ANKRD45: variants seen among roughly 807,000 people sequenced by gnomAD.
The protein encoded by ANKRD45 is ankyrin repeat domain 45, also known as ankyrin repeat domain-containing protein 45.
In ANKRD45, 21 loss-of-function variants were observed where a neutral mutation model predicts 28.1. The ratio of observed to expected loss-of-function variants is 0.75; its 90% CI spans 0.53 to 1.08. The LOEUF (loss-of-function observed/expected upper bound fraction) is 1.08, where lower values mean the gene tolerates loss of function less well. Ranked by LOEUF, ANKRD45 falls within the 50% of genes least tolerant of loss-of-function variation. The probability of loss-of-function intolerance (pLI) is 0.00; values close to 1 mark genes in which losing one functional copy is unlikely to be tolerated. For missense variants in ANKRD45, 261 were observed against 308.7 expected (o/e 0.85, Z 1.16); for synonymous variants, 86 against 103.9 (o/e 0.83, Z 1.05).
chr1:173,655,322 G>A (rs1053930555), intron 2 of ANKRD45, among the ~76,000 whole-genome samples: 1 of 152,186 alleles, frequency 6.6e-6, no homozygotes, highest in African/African-American at 2.4e-5. Flanking sequence ...ATTCCTTTCT[G>A]TTTGTTAGTT....
the ANKRD45 span, among the ~76,000 whole-genome samples, chr1:173,682,608 A>G: frequency 6.6e-6 from 1 of 151,950 alleles, no homozygotes. Context: ...CTGAGAAGAA[A>G]AAAAAGCTTT....
At chr1:173,647,120 G>A in intron 2 of ANKRD45, 107 bp from the exon 3 acceptor site, 2 of 1,076,994 alleles carry the variant, frequency 1.9e-6, no homozygotes, top group South Asian at 1.9e-5. Context: ...AATTACTGTG[G>A]GCCAGGCACT....
chr1:173,653,922 C>CTTTTTTTTTTTT (rs1185149394), intron 2 of ANKRD45, among the ~76,000 whole-genome samples: 1 of 100,326 alleles, frequency 1.0e-5, no homozygotes, highest in Non-Finnish European at 2.1e-5. Context: ...GCAACCCTTG[C>CTTTTTTTTTTTT]TTTTTTTTTT....
intron 2 of ANKRD45, among the ~76,000 whole-genome samples, chr1:173,650,570 G>A (rs985812714): frequency 1.4e-4 from 22 of 152,256 alleles, no homozygotes; most frequent in South Asian, 1.0e-3. Flanking sequence ...ATACGTGTGC[G>A]TGTGTCTTTA....
intron 3 of ANKRD45, among the ~76,000 whole-genome samples, chr1:173,639,060 C>T (rs1420249484): frequency 4.6e-5 from 7 of 152,302 alleles, no homozygotes; most frequent in Non-Finnish European, 8.8e-5. Context: ...TCTGCCCAAA[C>T]CTGTGTCCTG....
chr1:173,681,634 G>C, the ANKRD45 span, among the ~76,000 whole-genome samples: 1 of 151,988 alleles, frequency 6.6e-6, no homozygotes, highest in Admixed American at 6.6e-5. Context: ...CACAATCCTA[G>C]GCAGTTGTCA....
chr1:173,659,374 G>GA lies in ANKRD45; in HGVS notation c.44dup (p.Ser16LeufsTer8). The GA allele has an allele frequency of 6.2e-7, 1 of 1,604,388 alleles. No individual in the cohort carries two copies. The highest frequency in any genetic ancestry group is 8.5e-7 in the Non-Finnish European group (1 of 1,176,896). On this transcript the variant is annotated frameshift_variant, in exon 2 of 6. Coordinates refer to ENST00000333279, the MANE Select transcript of ANKRD45 (RefSeq NM_198493.3). LOFTEE classifies it high-confidence loss of function. ...CTTCATTTTCCTCTTCTTGCTGTGAGAAAAATTCTGAACTCTCTGACTCTG... is the reference window on the plus strand; with the variant it reads ...CTTCATTTTCCTCTTCTTGCTGTGAGAAAAAATTCTGAACTCTCTGACTCTG...
chr1:173,657,514 G>C (rs1669585960), intron 2 of ANKRD45: 1 of 153,226 alleles, frequency 6.5e-6, no homozygotes, highest in African/African-American at 2.4e-5. Flanking sequence ...GTCTGTGTAT[G>C]TGTATGTGTA....
chr1:173,624,848 A>G lies in ANKRD45; in HGVS notation c.669T>C (p.Phe223=). Residue 223 remains phenylalanine (F), a synonymous_variant, in exon 5 of 6, where the codon TTT becomes TTC. Coordinates refer to ENST00000333279, the MANE Select transcript of ANKRD45 (RefSeq NM_198493.3). Reference sequence around the variant, plus strand: ...TATCTTCCAGTTGTTGTCTCTGCTCAAAAAGCTCATTAATGGAAGCTTCTG... The same window carrying G: ...TATCTTCCAGTTGTTGTCTCTGCTCGAAAAGCTCATTAATGGAAGCTTCTG... ...THTEASINEL[F]EQRQQLEDIV... 4 of 1,613,874 alleles carry G rather than the reference A, an allele frequency of 2.5e-6. No individual in the cohort carries two copies. The highest frequency in any genetic ancestry group is 3.4e-6 in the Non-Finnish European group (4 of 1,179,842).
At chr1:173,635,567 T>A in intron 3 of ANKRD45, 1 of 1,535,220 alleles carries the variant, frequency 6.5e-7, no homozygotes, top group Non-Finnish European at 8.7e-7. Flanking sequence ...GTTGTTTATC[T>A]GCTTCTTCGG....
At chr1:173,646,659 T>C (rs1442320386) in intron 3 of ANKRD45, among the ~76,000 whole-genome samples, 187 bp downstream of exon 3, 1 of 152,206 alleles carries the variant, frequency 6.6e-6, no homozygotes, top group East Asian at 1.9e-4. Context: ...CAGTTCCTAA[T>C]AAATACAATG....
the ANKRD45 span, among the ~76,000 whole-genome samples, chr1:173,693,108 G>C: frequency 6.6e-6 from 1 of 152,214 alleles, no homozygotes; most frequent in East Asian, 1.9e-4. Context: ...ACACCAGCCT[G>C]GCCAACAATG....
At chr1:173,636,804 C>A in intron 3 of ANKRD45, 3 of 1,489,384 alleles carry the variant, frequency 2.0e-6, no homozygotes, top group Non-Finnish European at 2.7e-6. Flanking sequence ...TAGATAAAAT[C>A]TGTATTGTTT....
chr1:173,715,156 G>A, the ANKRD45 span: 1 of 152,414 alleles, frequency 6.6e-6, no homozygotes, highest in Non-Finnish European at 1.5e-5. Flanking sequence ...GTGGTCCCAA[G>A]TTGCTGAGCT....
At chr1:173,643,845 T>A (rs1668808013) in intron 3 of ANKRD45, among the ~76,000 whole-genome samples, 1 of 152,166 alleles carries the variant, frequency 6.6e-6, no homozygotes, top group Non-Finnish European at 1.5e-5. Context: ...ACTTTACAGT[T>A]TTATAAGTAA....
the ANKRD45 span, among the ~76,000 whole-genome samples, chr1:173,695,628 T>C: frequency 1.3e-5 from 2 of 152,218 alleles, no homozygotes; most frequent in Non-Finnish European, 2.9e-5. Context: ...GTTGATTCCA[T>C]GTCTCTGCTA....
At chr1:173,706,217 G>C in the ANKRD45 span, among the ~76,000 whole-genome samples, 2 of 147,558 alleles carry the variant, frequency 1.4e-5, no homozygotes, top group South Asian at 4.3e-4. Flanking sequence ...TAGGAGAATT[G>C]CTTGAACCTG....
At chr1:173,613,700 C>T (rs979260092) in intron 5 of ANKRD45, among the ~76,000 whole-genome samples, 5 of 152,044 alleles carry the variant, frequency 3.3e-5, no homozygotes, top group Non-Finnish European at 7.4e-5. Context: ...TGGGGGGCGC[C>T]TCTGCCCGGC....
At chr1:173,636,985 G>A (rs1668475594) in intron 3 of ANKRD45, 2 of 1,535,470 alleles carry the variant, frequency 1.3e-6, no homozygotes, top group South Asian at 1.2e-5. Context: ...AGAAAATTAA[G>A]CACTGCAAAT....
Sources: allele counts gnomAD v4.1 joint callset (sites outside exome capture counted in the v4.1 genomes callset), GRCh38; gene constraint gnomAD v4.1.1; transcripts MANE v1.5; gene names NCBI Gene and HGNC (gene_info 2026-07-23, HGNC 2026-07-21).